Variants in CLDN20 observed in about 807,000 individuals in gnomAD.
The protein encoded by CLDN20 is claudin 20.
For synonymous variants in CLDN20, 104 were observed against 103.6 expected (o/e 1.00, Z -0.03); for missense variants, 258 against 267.9 (o/e 0.96, Z 0.26).
At chr6:155,270,837 C>T (rs779272369) in intron 1 of CLDN20, among the ~76,000 whole-genome samples, 2 of 152,124 alleles carry the variant, frequency 1.3e-5, no homozygotes, top group Non-Finnish European at 2.9e-5. Context: ...GACACTGCTG[C>T]GACTATTAGT....
chr6:155,274,002 TCTGTGG>T (rs1442158946), intron 1 of CLDN20, among the ~76,000 whole-genome samples: 2 of 152,238 alleles, frequency 1.3e-5, no homozygotes, highest in Non-Finnish European at 2.9e-5. Flanking sequence ...CTGAGGACTT[TCTGTGG>T]CTTAAATATT....
chr6:155,276,346 C>A lies in CLDN20; in HGVS notation c.627C>A (p.Asn209Lys). 1 of 1,613,286 alleles carries A rather than the reference C, an allele frequency of 6.2e-7. No homozygotes were observed. The highest frequency in any genetic ancestry group is 8.5e-7 in the Non-Finnish European group (1 of 1,179,970). The change falls in exon 2 of 2, where the codon AAC becomes AAA. Residue 209 changes from asparagine (N) to lysine (K), a missense_variant. Physicochemically the swap from Asn to Lys is moderately conservative, Grantham distance 94. Coordinates refer to ENST00000367165, the MANE Select transcript of CLDN20 (RefSeq NM_001001346.3). ...QQPISNTQLE[N>K]NSTHNLKDYV ...CTATCTCTAACACACAGCTCGAGAA[C>A]AATTCCACACACAATCTGAAGGATT...
intron 1 of CLDN20, among the ~76,000 whole-genome samples, chr6:155,272,946 T>G (rs1218505131): frequency 6.6e-6 from 1 of 152,136 alleles, no homozygotes; most frequent in Non-Finnish European, 1.5e-5. Flanking sequence ...GAACATAGAT[T>G]GACAACAAAG....
intron 1 of CLDN20, among the ~76,000 whole-genome samples, chr6:155,266,968 GC>G (rs1319082246): frequency 1.5e-5 from 2 of 136,610 alleles, no homozygotes; most frequent in Admixed American, 8.1e-5. Flanking sequence ...ATACTTTGCT[GC>G]CTTTTTTTTT....
chr6:155,271,384 T>G (rs568014595), intron 1 of CLDN20, among the ~76,000 whole-genome samples: 27 of 152,306 alleles, frequency 1.8e-4, no homozygotes, highest in Non-Finnish European at 3.8e-4. Flanking sequence ...TTTTGGGTAA[T>G]TTATTCATAA....
chr6:155,267,829 C>T (rs776592155), intron 1 of CLDN20, among the ~76,000 whole-genome samples: 6 of 152,204 alleles, frequency 3.9e-5, no homozygotes, highest in Admixed American at 2.6e-4. Flanking sequence ...AACAGAAAAA[C>T]AGAATGAGCT....
At chr6:155,267,548 T>TGGTGAGTGTGGACAAGCTCTGAC (rs1784713862) in intron 1 of CLDN20, among the ~76,000 whole-genome samples, 1 of 152,000 alleles carries the variant, frequency 6.6e-6, no homozygotes, top group African/African-American at 2.4e-5. Flanking sequence ...CAAGCTCTGA[T>TGGTGAGTGTGGACAAGCTCTGAC]TGGTGAGTGA....
In CLDN20 at chr6:155,264,158, G is replaced by A. The variant is rs1784518064; in HGVS notation, c.-235G>A. On this transcript the variant is annotated 5_prime_UTR_variant, in exon 1 of 2. Transcript: ENST00000367165. ...CACTTCACTGTCGGGTAAAACAACG[G>A]AGCAAGATGAGTGCCTCCGGATGCT... 6.6e-6 allele frequency: 1 copy of A among 152,146 alleles called. No homozygotes were observed. Among genetic ancestry groups the A allele is most frequent in the Non-Finnish European group, 1.5e-5 (1 of 68,058 alleles). The allele number at this position is 152,146 out of a possible 1,614,324, so 9.4% of individuals were successfully genotyped here. A position where few individuals can be genotyped will look rare whatever the true frequency, so the allele number is the denominator to read the frequency against.
chr6:155,264,390 T>C (rs549902848), intron 1 of CLDN20, 102 bp downstream of exon 1: 16 of 152,290 alleles, frequency 1.1e-4, no homozygotes, highest in African/African-American at 3.6e-4. Context: ...TGAATGTAGA[T>C]CACATTTTCT....
chr6:155,267,128 C>A (rs1489867853), intron 1 of CLDN20, among the ~76,000 whole-genome samples: 1 of 151,884 alleles, frequency 6.6e-6, no homozygotes, highest in East Asian at 2.0e-4. Flanking sequence ...GTGGGTGGCA[C>A]CACACCCGGC....
intron 1 of CLDN20, among the ~76,000 whole-genome samples, chr6:155,267,821 C>T (rs867528471): frequency 6.6e-6 from 1 of 152,166 alleles, no homozygotes; most frequent in Non-Finnish European, 1.5e-5. Flanking sequence ...TTTGAAGGAA[C>T]AGAAAAACAG....
chr6:155,268,054 C>T (rs1038826013), intron 1 of CLDN20, among the ~76,000 whole-genome samples: 3 of 152,172 alleles, frequency 2.0e-5, no homozygotes, highest in Admixed American at 6.5e-5. Context: ...CGAAGATGCC[C>T]TTGACTACAT....
chr6:155,266,846 C>CAAAAAAAA (rs1213939199), intron 1 of CLDN20, among the ~76,000 whole-genome samples: 2 of 62,832 alleles, frequency 3.2e-5, no homozygotes, highest in African/African-American at 1.2e-4. Context: ...GACTCCGTCT[C>CAAAAAAAA]AAAAAAAAAA....
At chr6:155,273,835 T>C (rs1235758316) in intron 1 of CLDN20, among the ~76,000 whole-genome samples, 2 of 152,164 alleles carry the variant, frequency 1.3e-5, no homozygotes, top group Admixed American at 1.3e-4. Context: ...ATGCTTGAGA[T>C]TGTCTGTCTG....
chr6:155,272,265 G>A (rs75979782), intron 1 of CLDN20, among the ~76,000 whole-genome samples: 13,567 of 152,074 alleles, frequency 0.089, 802 homozygotes, highest in East Asian at 0.18. Context: ...TATTTAGTTC[G>A]AATTATAAGC....
chr6:155,275,790 C>T lies in CLDN20; in HGVS notation c.71C>T (p.Ala24Val), dbSNP rs886427143. 6.2e-7 allele frequency: 1 copy of T among 1,614,094 alleles called. No homozygotes were observed. The highest frequency in any genetic ancestry group is 1.7e-5 in the Admixed American group (1 of 60,008). Reference sequence around the variant, plus strand: ...TCTGGGGTCTCTGGAGTGCTCACAGCCACTCTGCTGCCCAACTGGAAGGTG... The same window carrying T: ...TCTGGGGTCTCTGGAGTGCTCACAGTCACTCTGCTGCCCAACTGGAAGGTG... ...ALSGVSGVLT[A>V]TLLPNWKVNV... Residue 24 changes from alanine to valine, a missense_variant, in exon 2 of 2, where the codon GCC becomes GTC. Coordinates refer to ENST00000367165, the MANE Select transcript of CLDN20 (RefSeq NM_001001346.3).
intron 1 of CLDN20, among the ~76,000 whole-genome samples, chr6:155,275,062 CAA>C (rs748259610): frequency 9.0e-5 from 12 of 133,456 alleles, no homozygotes; most frequent in East Asian, 2.1e-4. Flanking sequence ...ACTAAAAATA[CAA>C]AAAAAAAAAA....
chr6:155,275,141 G>A (rs1286674409), intron 1 of CLDN20, among the ~76,000 whole-genome samples: 5 of 152,044 alleles, frequency 3.3e-5, no homozygotes, highest in Non-Finnish European at 5.9e-5. Flanking sequence ...CAGGAGAATG[G>A]TGTGAACCCA....
At chr6:155,268,362 C>G (rs547366138) in intron 1 of CLDN20, among the ~76,000 whole-genome samples, 1 of 152,186 alleles carries the variant, frequency 6.6e-6, no homozygotes, top group African/African-American at 2.4e-5. Context: ...TCCCCTTAAC[C>G]CTGATCCCCA....
Sources: allele counts gnomAD v4.1 joint callset (sites outside exome capture counted in the v4.1 genomes callset), GRCh38; gene constraint gnomAD v4.1.1; transcripts MANE v1.5; gene names NCBI Gene and HGNC (gene_info 2026-07-23, HGNC 2026-07-21).